Variants in MROH1 observed in about 807,000 individuals in gnomAD.
MROH1 encodes the protein maestro heat-like repeat-containing protein family member 1.
Under a neutral mutation model 116.5 loss-of-function variants are expected in MROH1, and 117 were observed. That is an observed-to-expected ratio of 1.00 (90% CI 0.86 to 1.17). The LOEUF (loss-of-function observed/expected upper bound fraction) is 1.17. MROH1 is among the 50% of genes most tolerant of loss of function. MROH1 has a pLI of 0.00. For synonymous variants in MROH1, 921 were observed against 583.9 expected (o/e 1.58, Z -8.32); for missense variants, 1,873 against 1,338.5 (o/e 1.40, Z -6.23).
chr8:144,184,552 A>G (rs1439768554), intron 7 of MROH1, among the ~76,000 whole-genome samples: 1 of 152,258 alleles, frequency 6.6e-6, no homozygotes. Flanking sequence ...GTGTGAAAAG[A>G]GAACCAAATA....
intron 24 of MROH1, 120 bp downstream of exon 24, chr8:144,242,748 G>C (rs946343212): frequency 1.4e-6 from 1 of 699,912 alleles, no homozygotes; most frequent in Admixed American, 2.1e-5. Context: ...GGGCTTCCTG[G>C]TCTCCGTCCC....
Position 144,195,224 on chromosome 8 carries a change from G to T in MROH1, c.948+2823G>T, listed in dbSNP as rs557300690. On this transcript the variant is annotated intron_variant, in intron 10 of 43. Transcript: ENST00000326134. Reference sequence around the variant, plus strand: ...AAAAAAAAAAAAAAAAAAAAAGGCCGAGTGCCATGGCTCATGCCTGTAATC... The same window carrying T: ...AAAAAAAAAAAAAAAAAAAAAGGCCTAGTGCCATGGCTCATGCCTGTAATC... Among the ~76,000 whole-genome samples, 5 of 34,170 alleles carry T rather than the reference G, an allele frequency of 1.5e-4. No homozygotes were observed. The Admixed American group carries it at 2.0e-3, about 14-fold the overall frequency. The allele number at this position is 34,170 out of a possible 152,430, so 22.4% of individuals were successfully genotyped here. A position where few individuals can be genotyped will look rare whatever the true frequency, so the allele number is the denominator to read the frequency against.
chr8:144,220,696 G>A lies in MROH1; in HGVS notation c.1215+23G>A, dbSNP rs1227486484. On this transcript the variant is annotated intron_variant, in intron 13 of 43. Transcript: ENST00000326134. ...AAGGTAAACCACATGGGCCAGCCCA[G>A]GCTGCACCACCACACCACAGGCAGC... 4.5e-6 allele frequency: 7 copies of A among 1,557,292 alleles called. No homozygotes were observed. In the Admixed American group the frequency reaches 9.6e-5, roughly 21 times the overall value.
intron 33 of MROH1, chr8:144,251,494 C>T (rs1240505125): frequency 6.6e-6 from 1 of 152,238 alleles, no homozygotes; most frequent in South Asian, 2.1e-4. Context: ...TGTAATCCTG[C>T]AGTCTGTTGC....
At chr8:144,167,486 G>C (rs1290753879) in intron 3 of MROH1, among the ~76,000 whole-genome samples, 2 of 139,664 alleles carry the variant, frequency 1.4e-5, no homozygotes, top group East Asian at 4.3e-4. Flanking sequence ...GGAGTGGCCG[G>C]TTGTTGGGTA....
chr8:144,227,765 C>G (rs1265692751), intron 14 of MROH1, among the ~76,000 whole-genome samples: 1 of 151,892 alleles, frequency 6.6e-6, no homozygotes, highest in Non-Finnish European at 1.5e-5. Flanking sequence ...GCCTGGGCAA[C>G]ATAGCGAGAC....
At chr8:144,172,318 C>T (rs1822659067) in intron 4 of MROH1, among the ~76,000 whole-genome samples, 1 of 152,148 alleles carries the variant, frequency 6.6e-6, no homozygotes, top group African/African-American at 2.4e-5. Context: ...GCTTCATCTA[C>T]GTAACAAGAA....
intron 34 of MROH1, among the ~76,000 whole-genome samples, chr8:144,255,210 G>A (rs1843500010): frequency 6.6e-6 from 1 of 152,252 alleles, no homozygotes; most frequent in Admixed American, 6.5e-5. Context: ...CAGCTTGGCA[G>A]TGTTTTAAGC....
chr8:144,172,721 T>G (rs1162886173), intron 4 of MROH1, among the ~76,000 whole-genome samples: 8 of 152,184 alleles, frequency 5.3e-5, no homozygotes, highest in Non-Finnish European at 1.0e-4. Context: ...TCTAACTCTT[T>G]TAACCAGTTG....
At position 144,240,583 on chromosome 8, in the gene MROH1, C is replaced by T; in HGVS notation, c.1841C>T (p.Thr614Ile). Reference protein sequence around the residue: ...EEKLLMFLRDTLAIISDNAWI... With the variant: ...EEKLLMFLRDILAIISDNAWI... Reference sequence around the variant, plus strand: ...CTTGGCCTGCAGTTCCTGCGAGACACCCTGGCCATCATTTCTGACAACGCG... The same window carrying T: ...CTTGGCCTGCAGTTCCTGCGAGACATCCTGGCCATCATTTCTGACAACGCG... Residue 614 changes from threonine (T) to isoleucine (I), a missense_variant, in exon 20 of 44, where the codon ACC becomes ATC. Physicochemically the swap from Thr to Ile is moderately conservative, Grantham distance 89. Coordinates refer to ENST00000326134, the MANE Select transcript of MROH1 (RefSeq NM_032450.3). 1 of 717,198 alleles carries T rather than the reference C, an allele frequency of 1.4e-6. No homozygotes were observed. Among genetic ancestry groups the T allele is most frequent in the Non-Finnish European group, 2.6e-6 (1 of 384,920 alleles). 44.4% of individuals were successfully genotyped at this position (717,198 alleles called of 1,614,324 possible).
chr8:144,231,875 A>C (rs1244118682), intron 14 of MROH1, among the ~76,000 whole-genome samples: 2 of 152,230 alleles, frequency 1.3e-5, no homozygotes, highest in Non-Finnish European at 2.9e-5. Flanking sequence ...GTCACGCCCG[A>C]AATGGGCTTG....
intron 13 of MROH1, among the ~76,000 whole-genome samples, chr8:144,220,941 TC>T (rs749968551): frequency 6.6e-6 from 1 of 152,112 alleles, no homozygotes; most frequent in Non-Finnish European, 1.5e-5. Flanking sequence ...GCTCAGTTGT[TC>T]TCTAGAAGGA....
chr8:144,179,491 A>G lies in MROH1; in HGVS notation c.205A>G (p.Met69Val), dbSNP rs748186356. 5 of 1,613,614 alleles carry G rather than the reference A, an allele frequency of 3.1e-6. No individual in the cohort carries two copies. The highest frequency in any genetic ancestry group is 3.3e-5 in the Admixed American group (2 of 60,010). The change falls in exon 5 of 44, where the codon ATG becomes GTG. Residue 69 changes from methionine to valine, a missense_variant. Coordinates refer to ENST00000326134, the MANE Select transcript of MROH1 (RefSeq NM_032450.3). The stretch of plus-strand genomic sequence containing the variant: ...ATACCGAGCAGCGGTCCTGAGGGCC[A>G]TGGAGAGGGTCCTGAGCAGTCGCGC... The part of the protein sequence containing the change: ...HPYRAAVLRA[M>V]ERVLSSRASE...
Position 144,239,196 on chromosome 8 carries a change from A to ACCCCACCTCCCCACTCCTGC in MROH1, c.1591+24_1591+43dup. 4 of 751,142 alleles carry ACCCCACCTCCCCACTCCTGC rather than the reference A, an allele frequency of 5.3e-6. No homozygotes were observed. The South Asian group carries it at 5.5e-5, about 10-fold the overall frequency. 46.5% of individuals were successfully genotyped at this position (751,142 alleles called of 1,614,324 possible). On this transcript the variant is annotated intron_variant, in intron 16 of 43. Coordinates refer to ENST00000326134, the MANE Select transcript of MROH1 (RefSeq NM_032450.3). Reference sequence around the variant, plus strand: ...ACGCCCATGGTGCGTGCCGCGCCGTACCCCACCTCCCCACTCCTGCCCCCA... The same window carrying ACCCCACCTCCCCACTCCTGC: ...ACGCCCATGGTGCGTGCCGCGCCGTACCCCACCTCCCCACTCCTGCCCCCACCTCCCCACTCCTGCCCCCA...
intron 33 of MROH1, chr8:144,254,596 CTG>C: frequency 1.8e-6 from 1 of 570,834 alleles, no homozygotes; most frequent in Non-Finnish European, 3.1e-6. Context: ...AGATTTTTCT[CTG>C]TGTCCTTTAT....
intron 4 of MROH1, chr8:144,174,717 A>G (rs1192076048): frequency 1.8e-5 from 7 of 392,102 alleles, no homozygotes. Context: ...TCCTAGGCCC[A>G]AGTGATCCTC....
Position 144,245,170 on chromosome 8 carries a change from G to T in MROH1, c.2781G>T (p.Trp927Cys), listed in dbSNP as rs1841677996. ...LQIMIEHLSPWIKSPRGHERA... is the reference protein window; with the variant it reads ...LQIMIEHLSPCIKSPRGHERA... The stretch of plus-strand genomic sequence containing the variant: ...CTCTTCCTCAGCACCTGAGCCCATG[G>T]ATCAAGTCCCCAAGAGGTCACGAGC... Residue 927 changes from tryptophan to cysteine, a missense_variant, in exon 29 of 44, where the codon TGG becomes TGT. Transcript: ENST00000326134. 1 of 779,104 alleles carries T rather than the reference G, an allele frequency of 1.3e-6. No homozygotes were observed. Among genetic ancestry groups the T allele is most frequent in the East Asian group, 2.4e-5 (1 of 41,268 alleles). The allele number at this position is 779,104 out of a possible 1,614,324, so 48.3% of individuals were successfully genotyped here.
At chr8:144,153,887 A>G (rs930369475) in intron 1 of MROH1, among the ~76,000 whole-genome samples, 2 of 151,464 alleles carry the variant, frequency 1.3e-5, no homozygotes, top group Admixed American at 1.3e-4. Flanking sequence ...CAGCTTCCCG[A>G]GTAGCCAGGA....
chr8:144,220,209 C>G (rs769227071), intron 12 of MROH1, among the ~76,000 whole-genome samples: 1 of 152,220 alleles, frequency 6.6e-6, no homozygotes, highest in Admixed American at 6.5e-5. Context: ...CTGAGCCCCC[C>G]AAGACCTGCT....
Sources: gnomAD v4.1 joint callset for allele counts (sites outside exome capture counted in the v4.1 genomes callset) on GRCh38, gnomAD v4.1.1 for gene constraint, MANE v1.5 for transcripts, NCBI Gene and HGNC (gene_info 2026-07-23, HGNC 2026-07-21) for gene names.